Variants in PARVA observed in about 807,000 individuals in gnomAD.
PARVA encodes the protein parvin alpha.
Under a neutral mutation model 52.6 loss-of-function variants are expected in PARVA, and 25 were observed. That is an observed-to-expected ratio of 0.48 (90% CI 0.35 to 0.66). PARVA has a LOEUF of 0.66. Ranked by LOEUF, PARVA falls within the 30% of genes least tolerant of loss-of-function variation. The pLI is 0.01. For missense variants in PARVA, 373 were observed against 450.9 expected (o/e 0.83, Z 1.56); for synonymous variants, 185 against 179.1 (o/e 1.03, Z -0.26).
intron 1 of PARVA, among the ~76,000 whole-genome samples, chr11:12,440,661 A>G (rs1371253368): frequency 6.6e-6 from 1 of 152,192 alleles, no homozygotes; most frequent in African/African-American, 2.4e-5. Flanking sequence ...AAGCTCATTC[A>G]GGTTCTTGGC....
At chr11:12,385,471 G>A (rs558892706) in intron 1 of PARVA, among the ~76,000 whole-genome samples, 4 of 152,272 alleles carry the variant, frequency 2.6e-5, no homozygotes, top group South Asian at 2.1e-4. Flanking sequence ...ATGAAAGATC[G>A]GTTGGCAGCT....
At chr11:12,492,036 C>T (rs1396547035) in intron 4 of PARVA, among the ~76,000 whole-genome samples, 1 of 152,158 alleles carries the variant, frequency 6.6e-6, no homozygotes, top group East Asian at 1.9e-4. Flanking sequence ...AACTCAGGAA[C>T]TGTTCATACT....
At chr11:12,456,267 A>T (rs1234774110) in intron 1 of PARVA, among the ~76,000 whole-genome samples, 1 of 152,248 alleles carries the variant, frequency 6.6e-6, no homozygotes, top group Non-Finnish European at 1.5e-5. Flanking sequence ...GGCATTTCGT[A>T]TGTGCCATGT....
chr11:12,376,625 C>A, upstream of PARVA: 1 of 391,896 alleles, frequency 2.6e-6, no homozygotes, highest in Non-Finnish European at 3.5e-6. Context: ...GTTCAATCAG[C>A]TGTGGCCTAG....
intron 4 of PARVA, among the ~76,000 whole-genome samples, chr11:12,488,063 T>C (rs1429383246): frequency 6.6e-6 from 1 of 152,156 alleles, no homozygotes; most frequent in Non-Finnish European, 1.5e-5. Flanking sequence ...TTGATACATA[T>C]TTGAACAGTC....
chr11:12,454,911 A>G (rs1940676085), intron 1 of PARVA, among the ~76,000 whole-genome samples: 1 of 152,222 alleles, frequency 6.6e-6, no homozygotes, highest in South Asian at 2.1e-4. Context: ...TGATTGTTTC[A>G]TCAGGCATGA....
rs551796785 is a variant in PARVA at position 12,504,259 on chromosome 11, A to G, written c.542-55A>G. ...TACTACACTTTGAACATCTGCTTATATTGCCTAGAACCTGGAAGAAGATGC... is the reference window on the plus strand; with the variant it reads ...TACTACACTTTGAACATCTGCTTATGTTGCCTAGAACCTGGAAGAAGATGC... On this transcript the variant is annotated intron_variant, in intron 5 of 12. Transcript: ENST00000334956. 235 of 995,278 alleles carry G rather than the reference A, an allele frequency of 2.4e-4. 2 individuals are homozygous for G. The highest frequency in any genetic ancestry group is 2.2e-3 in the South Asian group (162 of 72,382). 61.7% of individuals were successfully genotyped at this position (995,278 alleles called of 1,614,324 possible).
chr11:12,452,898 A>G (rs1254673901), intron 1 of PARVA: 6 of 418,394 alleles, frequency 1.4e-5, no homozygotes, highest in East Asian at 7.1e-5. Context: ...AGAAGATCCT[A>G]TAGCTTCACA....
chr11:12,472,412 G>A (rs561179799), intron 1 of PARVA, among the ~76,000 whole-genome samples: 8 of 152,228 alleles, frequency 5.3e-5, no homozygotes, highest in South Asian at 2.1e-4. Flanking sequence ...TGAAATAGTC[G>A]GTGTCTGTGA....
intron 1 of PARVA, among the ~76,000 whole-genome samples, chr11:12,449,745 C>T (rs1318556305): frequency 6.6e-6 from 1 of 152,180 alleles, no homozygotes. Context: ...GGGATTGCTA[C>T]TGGCATTTAG....
At chr11:12,498,733 C>A (rs985142265) in intron 5 of PARVA, among the ~76,000 whole-genome samples, 1 of 152,034 alleles carries the variant, frequency 6.6e-6, no homozygotes, top group Admixed American at 6.6e-5. Flanking sequence ...CCCCACCACG[C>A]CCACCTAACT....
chr11:12,443,153 G>T (rs1284987988), intron 1 of PARVA, among the ~76,000 whole-genome samples: 2 of 116,128 alleles, frequency 1.7e-5, no homozygotes, highest in Non-Finnish European at 1.8e-5. Flanking sequence ...GAGCCACCAT[G>T]CCCGGCGCCC....
chr11:12,456,199 A>G (rs1372114957), intron 1 of PARVA, among the ~76,000 whole-genome samples: 1 of 152,208 alleles, frequency 6.6e-6, no homozygotes, highest in Non-Finnish European at 1.5e-5. Context: ...GAGAAAAGGC[A>G]GGGAAAGGGT....
At position 12,481,274 on chromosome 11, in the gene PARVA, C is replaced by G. The variant is rs907439262; in HGVS notation, c.400+3325C>G. 5.9e-5 allele frequency among the ~76,000 whole-genome samples: 9 copies of G among 152,234 alleles called. No individual in the cohort carries two copies. In the East Asian group the frequency reaches 1.7e-3, roughly 29 times the overall value. On this transcript the variant is annotated intron_variant, in intron 4 of 12. Transcript: ENST00000334956. The stretch of plus-strand genomic sequence containing the variant: ...ATTCTAAAAGGAAGAGTTGTCATTT[C>G]TATTTATTTATATCACTATGGACAT...
At chr11:12,516,375 T>C (rs1326198571) in intron 10 of PARVA, among the ~76,000 whole-genome samples, 1 of 152,186 alleles carries the variant, frequency 6.6e-6, no homozygotes, top group East Asian at 1.9e-4. Context: ...CTGACCTCTA[T>C]GTCTTTGCTA....
At chr11:12,430,585 G>C (rs985901601) in intron 1 of PARVA, among the ~76,000 whole-genome samples, 2 of 152,102 alleles carry the variant, frequency 1.3e-5, no homozygotes, top group African/African-American at 2.4e-5. Flanking sequence ...AAGATGCTGT[G>C]GGGGGTTTGA....
At chr11:12,492,544 G>C (rs1471136858) in intron 4 of PARVA, among the ~76,000 whole-genome samples, 1 of 151,654 alleles carries the variant, frequency 6.6e-6, no homozygotes, top group Non-Finnish European at 1.5e-5. Context: ...TATTATTTGA[G>C]GGGGCCTCTT....
chr11:12,446,694 A>G (rs1300794106), intron 1 of PARVA, among the ~76,000 whole-genome samples: 2 of 152,222 alleles, frequency 1.3e-5, no homozygotes, highest in Non-Finnish European at 2.9e-5. Context: ...ACAATAATAT[A>G]GCAGTAATGA....
chr11:12,392,967 T>A (rs1280773221), intron 1 of PARVA, among the ~76,000 whole-genome samples: 5 of 146,102 alleles, frequency 3.4e-5, no homozygotes, highest in African/African-American at 1.3e-4. Context: ...AGAAAATTGT[T>A]ACAATCCCAT....
Sources: allele counts gnomAD v4.1 joint callset (sites outside exome capture counted in the v4.1 genomes callset), GRCh38; gene constraint gnomAD v4.1.1; transcripts MANE v1.5; gene names NCBI Gene and HGNC (gene_info 2026-07-23, HGNC 2026-07-21).